Variants in CFAP221 observed in about 807,000 individuals in gnomAD.
CFAP221 encodes cilia and flagella associated protein 221.
Under a neutral mutation model 113.1 loss-of-function variants are expected in CFAP221, and 97 were observed. The observed-to-expected ratio is 0.86, with a 90% CI of 0.73 to 1.02. The LOEUF is 1.02. CFAP221 is among the 50% of genes least tolerant of loss of function. CFAP221 has a pLI of 0.00. For missense variants in CFAP221, 1,025 were observed against 1,013.4 expected (o/e 1.01, Z -0.16); for synonymous variants, 331 against 354.4 (o/e 0.93, Z 0.74).
At chr2:119,656,304 AT>A (rs1424196695) in intron 23 of CFAP221, 57 bp from the exon 24 acceptor site, 2 of 1,406,304 alleles carry the variant, frequency 1.4e-6, no homozygotes, top group Admixed American at 3.4e-5. Context: ...GCGGGGGGTG[AT>A]TTGCGTGGTT....
intron 6 of CFAP221, among the ~76,000 whole-genome samples, chr2:119,582,501 G>A (rs1399312390): frequency 6.6e-6 from 1 of 151,054 alleles, no homozygotes; most frequent in Non-Finnish European, 1.5e-5. Context: ...TGTCACCCAG[G>A]CTGGAGTGCA....
intron 11 of CFAP221, among the ~76,000 whole-genome samples, 169 bp from the exon 12 acceptor site, chr2:119,608,333 A>G (rs942662746): frequency 4.6e-5 from 7 of 152,216 alleles, no homozygotes; most frequent in African/African-American, 1.7e-4. Context: ...CACATTATTC[A>G]TCTTAGTTAT....
chr2:119,626,343 A>G (rs886079514), intron 15 of CFAP221, among the ~76,000 whole-genome samples: 6 of 152,188 alleles, frequency 3.9e-5, no homozygotes, highest in African/African-American at 1.4e-4. Context: ...TCTGAGTGCC[A>G]TTATTCAGCC....
At chr2:119,601,928 T>G (rs1259319088) in intron 8 of CFAP221, among the ~76,000 whole-genome samples, 1 of 152,240 alleles carries the variant, frequency 6.6e-6, no homozygotes, top group Non-Finnish European at 1.5e-5. Context: ...ACCATCAGAC[T>G]TCAAGTCAGA....
intron 22 of CFAP221, 135 bp from the exon 23 acceptor site, chr2:119,651,838 TA>T: frequency 1.7e-6 from 1 of 583,520 alleles, no homozygotes; most frequent in Non-Finnish European, 2.9e-6. Context: ...TCTTTTAATG[TA>T]AACAACAAAA....
intron 19 of CFAP221, among the ~76,000 whole-genome samples, chr2:119,637,051 TC>T (rs1449892092): frequency 6.6e-6 from 1 of 152,094 alleles, no homozygotes; most frequent in African/African-American, 2.4e-5. Flanking sequence ...CCTCACACTA[TC>T]CCCATAGGGT....
chr2:119,553,200 C>G (rs759869613), intron 3 of CFAP221, among the ~76,000 whole-genome samples: 77 of 152,050 alleles, frequency 5.1e-4, no homozygotes, highest in Middle Eastern at 6.8e-3. Context: ...GTGTTGGAGG[C>G]GTGTGGAGGA....
intron 6 of CFAP221, among the ~76,000 whole-genome samples, chr2:119,581,880 C>T (rs1682872665): frequency 6.6e-6 from 1 of 151,348 alleles, no homozygotes; most frequent in Non-Finnish European, 1.5e-5. Context: ...GCCTGGGCAA[C>T]AAAGTGAGAT....
chr2:119,626,707 G>A (rs1686329434), intron 15 of CFAP221, among the ~76,000 whole-genome samples: 1 of 152,106 alleles, frequency 6.6e-6, no homozygotes, highest in African/African-American at 2.4e-5. Context: ...TCCAAGGTGG[G>A]AGGATCACTT....
Position 119,645,606 on chromosome 2 carries a change from T to C in CFAP221, c.2226-1352T>C, listed in dbSNP as rs578202564. 3.9e-5 allele frequency among the ~76,000 whole-genome samples: 6 copies of C among 152,146 alleles called. No individual in the cohort carries two copies. In the South Asian group the frequency reaches 1.2e-3, roughly 32 times the overall value. On this transcript the variant is annotated intron_variant, in intron 21 of 23. Coordinates refer to ENST00000413369, the MANE Select transcript of CFAP221 (RefSeq NM_001271049.2). The stretch of plus-strand genomic sequence containing the variant: ...GCTATAATTTTTTTTTCAGCCAGTC[T>C]TCATACTTGACAAGGGGGTGCATTT...
chr2:119,560,961 T>C lies in CFAP221; in HGVS notation c.426+935T>C, dbSNP rs140907716. Reference sequence around the variant, plus strand: ...CAAGAAGCACATTTCCTTAAGAATATGATAGACCATTATTATTTTTTTGGA... The same window carrying C: ...CAAGAAGCACATTTCCTTAAGAATACGATAGACCATTATTATTTTTTTGGA... On this transcript the variant is annotated intron_variant, in intron 5 of 23. Coordinates refer to ENST00000413369, the MANE Select transcript of CFAP221 (RefSeq NM_001271049.2). Among the ~76,000 whole-genome samples the C allele has an allele frequency of 5.7e-3, 871 of 152,102 alleles. 6 individuals are homozygous for C. The highest frequency in any genetic ancestry group is 0.019 in the African/African-American group (798 of 41,486).
chr2:119,569,160 G>T (rs1469924826), intron 6 of CFAP221, among the ~76,000 whole-genome samples: 1 of 151,550 alleles, frequency 6.6e-6, no homozygotes. Context: ...TTGAGATGGA[G>T]TCTCGCTCTG....
intron 13 of CFAP221, among the ~76,000 whole-genome samples, chr2:119,613,168 C>T (rs992743306): frequency 6.6e-6 from 1 of 152,246 alleles, no homozygotes; most frequent in Non-Finnish European, 1.5e-5. Flanking sequence ...CTGCTTTGCT[C>T]CTGTGGCTTT....
At chr2:119,639,312 C>T (rs1022562075) in intron 20 of CFAP221, among the ~76,000 whole-genome samples, 12 of 152,334 alleles carry the variant, frequency 7.9e-5, no homozygotes, top group African/African-American at 2.6e-4. Flanking sequence ...CTGCCTGGCT[C>T]TCCAGCCACA....
intron 16 of CFAP221, 58 bp from the exon 17 acceptor site, chr2:119,629,817 G>T: frequency 7.5e-7 from 1 of 1,334,804 alleles, no homozygotes; most frequent in South Asian, 1.2e-5. Flanking sequence ...GGAAACAGAA[G>T]CATAGCCACT....
Position 119,559,957 on chromosome 2 carries a change from C to T in CFAP221, c.357C>T (p.Leu119=), listed in dbSNP as rs1369526427. The change falls in exon 5 of 24, where the codon CTC becomes CTT. Residue 119 remains leucine, a synonymous_variant. Transcript: ENST00000413369. ...ACCACCTGGTCCCTGGCTTGTCCCTCACGGTCACCGTTACATTTTCTCCAG... is the reference window on the plus strand; with the variant it reads ...ACCACCTGGTCCCTGGCTTGTCCCTTACGGTCACCGTTACATTTTCTCCAG... The part of the protein sequence containing the change: ...KEHHLVPGLS[L]TVTVTFSPDE... The T allele has an allele frequency of 1.3e-6, 2 of 1,535,662 alleles. No individual in the cohort carries two copies. The highest frequency in any genetic ancestry group is 1.7e-6 in the Non-Finnish European group (2 of 1,146,816).
At chr2:119,595,709 C>G (rs1387109582) in intron 7 of CFAP221, among the ~76,000 whole-genome samples, 6 of 152,080 alleles carry the variant, frequency 3.9e-5, no homozygotes, top group Non-Finnish European at 8.8e-5. Context: ...GGGAGACAGG[C>G]AGGCCTGCAA....
At chr2:119,629,776 A>T in intron 16 of CFAP221, 99 bp from the exon 17 acceptor site, 1 of 952,192 alleles carries the variant, frequency 1.1e-6, no homozygotes, top group Non-Finnish European at 1.6e-6. Context: ...CTCTGAGAGT[A>T]GAACTGGTCA....
chr2:119,640,822 C>T (rs1352217145), intron 21 of CFAP221, among the ~76,000 whole-genome samples: 2 of 152,236 alleles, frequency 1.3e-5, no homozygotes, highest in South Asian at 2.1e-4. Context: ...CAGAAACTCA[C>T]CAGGGAGGCT....
Sources: allele counts gnomAD v4.1 joint callset (sites outside exome capture counted in the v4.1 genomes callset), GRCh38; gene constraint gnomAD v4.1.1; transcripts MANE v1.5; gene names NCBI Gene and HGNC (gene_info 2026-07-23, HGNC 2026-07-21).